The following AGAP3 variants were observed in gnomAD, a reference collection of about 807,000 sequenced individuals.
AGAP3 encodes ArfGAP with GTPase domain, ankyrin repeat and PH domain 3.
A neutral mutation model predicts 96.9 loss-of-function variants in AGAP3; 24 were observed. The observed-to-expected ratio is 0.25, with a 90% CI of 0.18 to 0.35. AGAP3 has a LOEUF of 0.35. AGAP3 is among the 10% of genes least tolerant of loss of function. The pLI is 1.00. For missense variants in AGAP3, 876 were observed against 1,254.2 expected (o/e 0.70, Z 4.55); for synonymous variants, 563 against 536.1 (o/e 1.05, Z -0.69).
rs1255459689 is a variant in AGAP3, at chr7:151,086,702, G to A, written c.-40G>A. On this transcript the variant is annotated 5_prime_UTR_variant, in exon 1 of 18. Coordinates refer to ENST00000397238, the MANE Select transcript of AGAP3 (RefSeq NM_031946.7). ...CCGCCGCCGCCGCCGCCTCCGCCGC[G>A]CCGCCCCGGGCCCGCCTCGGGCCCC... 1.7e-4 allele frequency: 68 copies of A among 393,932 alleles called. No individual in the cohort carries two copies. The highest frequency in any genetic ancestry group is 1.3e-3 in the African/African-American group (58 of 44,618). 24.4% of individuals were successfully genotyped at this position (393,932 alleles called of 1,614,324 possible).
chr7:151,129,312 G>GCC lies in AGAP3; in HGVS notation c.1326+631_1326+632dup, dbSNP rs1288000671. 3.9e-5 allele frequency among the ~76,000 whole-genome samples: 6 copies of GCC among 152,094 alleles called. No homozygotes were observed. The East Asian group carries it at 9.7e-4, about 25-fold the overall frequency. On this transcript the variant is annotated intron_variant, in intron 10 of 17. Coordinates refer to ENST00000397238, the MANE Select transcript of AGAP3 (RefSeq NM_031946.7). ...TGGGGCTAATGAGTTCTCCTGTGAA[G>GCC]CCCCTCCAGCACAGCGCGTGCCCCC...
intron 1 of AGAP3, chr7:151,116,493 G>C (rs1799589966): frequency 2.1e-6 from 1 of 480,028 alleles, no homozygotes; most frequent in Non-Finnish European, 3.7e-6. Flanking sequence ...GTGGCTTGGT[G>C]GGGGGACAAT....
chr7:151,124,255 T>C (rs1800064578), intron 9 of AGAP3, among the ~76,000 whole-genome samples: 1 of 152,212 alleles, frequency 6.6e-6, no homozygotes, highest in Non-Finnish European at 1.5e-5. Flanking sequence ...AAGGGGATAC[T>C]GAGGGCTAGT....
chr7:151,142,749 C>A lies in AGAP3; in HGVS notation c.2273+115C>A. ...TTAGAAGGGTTAAAACTGTCTGTTGCTCTGCTTGGCAGTTGGCCCCTTGGG... is the reference window on the plus strand; with the variant it reads ...TTAGAAGGGTTAAAACTGTCTGTTGATCTGCTTGGCAGTTGGCCCCTTGGG... On this transcript the variant is annotated intron_variant, in intron 16 of 17. Coordinates refer to ENST00000397238, the MANE Select transcript of AGAP3 (RefSeq NM_031946.7). This position sits in a 1 kb window ranked among gnomAD's most constrained non-coding sequence, Gnocchi z 7.5. 8.5e-7 allele frequency: 1 copy of A among 1,173,498 alleles called. No homozygotes were observed. Among genetic ancestry groups the A allele is most frequent in the Non-Finnish European group, 1.2e-6 (1 of 842,020 alleles). The allele number at this position is 1,173,498 out of a possible 1,614,324, so 72.7% of individuals were successfully genotyped here.
At chr7:151,099,860 G>T (rs975613603) in intron 1 of AGAP3, among the ~76,000 whole-genome samples, 1 of 152,208 alleles carries the variant, frequency 6.6e-6, no homozygotes, top group Non-Finnish European at 1.5e-5. Flanking sequence ...AGTAATATAT[G>T]TAATAGCAGA....
intron 1 of AGAP3, chr7:151,115,022 C>T: frequency 3.0e-6 from 3 of 991,144 alleles, no homozygotes; most frequent in African/African-American, 1.8e-5. Context: ...GCCCGCGCCT[C>T]GGCCGCCGGG....
chr7:151,137,283 A>G (rs1381431436), intron 11 of AGAP3, among the ~76,000 whole-genome samples: 1 of 152,100 alleles, frequency 6.6e-6, no homozygotes, highest in Non-Finnish European at 1.5e-5. Context: ...CTGCTTTCCC[A>G]CTAACCTCCA....
At chr7:151,115,168 A>ACCGCCTGGAGCTGGC in intron 1 of AGAP3, 1 of 1,034,232 alleles carries the variant, frequency 9.7e-7, no homozygotes, top group Non-Finnish European at 1.2e-6. Context: ...CTGGAGGTGA[A>ACCGCCTGGAGCTGGC]CCGCCTGGAG....
At chr7:151,132,619 C>T (rs1800444227) in intron 10 of AGAP3, among the ~76,000 whole-genome samples, 2 of 152,230 alleles carry the variant, frequency 1.3e-5, no homozygotes, top group Non-Finnish European at 2.9e-5. Context: ...ACCCACAGGG[C>T]TGGACCTGGG....
rs1483566057 is a variant in AGAP3, at chr7:151,142,293, C to T, written c.2050+40C>T. ...GGTGGGGCTGGGAGCTGGGGATGGCCCAGGGAAAGCTTCGCAAGCATCAGG... is the reference window on the plus strand; with the variant it reads ...GGTGGGGCTGGGAGCTGGGGATGGCTCAGGGAAAGCTTCGCAAGCATCAGG... On this transcript the variant is annotated intron_variant, in intron 15 of 17. Transcript: ENST00000397238. The surrounding 1 kb of genome is among the most constrained non-coding windows in gnomAD (Gnocchi z 7.5). The T allele has an allele frequency of 6.2e-7, 1 of 1,607,032 alleles. No homozygotes were observed. The highest frequency in any genetic ancestry group is 8.5e-7 in the Non-Finnish European group (1 of 1,176,586).
rs923452561 is a variant in AGAP3 at position 151,115,097 on chromosome 7, C to A, written c.332-1696C>A. On this transcript the variant is annotated intron_variant, in intron 1 of 17. Coordinates refer to ENST00000397238, the MANE Select transcript of AGAP3 (RefSeq NM_031946.7). Reference sequence around the variant, plus strand: ...GCCCCGCGTCCAGCCCCGCGCCGACCCGGCGCAGCCGCACCCGCGGGGAGC... The same window carrying A: ...GCCCCGCGTCCAGCCCCGCGCCGACACGGCGCAGCCGCACCCGCGGGGAGC... 7 of 1,028,278 alleles carry A rather than the reference C, an allele frequency of 6.8e-6. No individual in the cohort carries two copies. In the African/African-American group the frequency reaches 7.0e-5, roughly 10 times the overall value. 63.7% of individuals were successfully genotyped at this position (1,028,278 alleles called of 1,614,324 possible). A position where few individuals can be genotyped will look rare whatever the true frequency, so the allele number is the denominator to read the frequency against.
At chr7:151,106,604 A>C (rs1392816512) in intron 1 of AGAP3, among the ~76,000 whole-genome samples, 7 of 152,034 alleles carry the variant, frequency 4.6e-5, no homozygotes, top group African/African-American at 1.4e-4. Flanking sequence ...CAGCCTCCGG[A>C]GTATCTGGGA....
intron 1 of AGAP3, among the ~76,000 whole-genome samples, chr7:151,098,179 C>T (rs1263436837): frequency 1.3e-5 from 2 of 151,992 alleles, no homozygotes; most frequent in African/African-American, 2.4e-5. Context: ...GCCAACATGA[C>T]GAAACCCTGT....
Position 151,123,780 on chromosome 7 carries a change from G to C in AGAP3, c.1129-14G>C, listed in dbSNP as rs781765303. 8 of 1,612,918 alleles carry C rather than the reference G, an allele frequency of 5.0e-6. No homozygotes were observed. In the African/African-American group the frequency reaches 5.3e-5, roughly 11 times the overall value. ...CCTGGGCCTCTTTAACACGCCTCTTGTTTTCTCTTCCAGTCTCGGAAGGGT... is the reference window on the plus strand; with the variant it reads ...CCTGGGCCTCTTTAACACGCCTCTTCTTTTCTCTTCCAGTCTCGGAAGGGT... On this transcript the variant is annotated splice_polypyrimidine_tract_variant and intron_variant, in intron 8 of 17. Coordinates refer to ENST00000397238, the MANE Select transcript of AGAP3 (RefSeq NM_031946.7).
At chr7:151,091,277 C>G (rs767490993) in intron 1 of AGAP3, among the ~76,000 whole-genome samples, 1 of 152,228 alleles carries the variant, frequency 6.6e-6, no homozygotes, top group Non-Finnish European at 1.5e-5. Context: ...AGCCCAGGCC[C>G]CTCTGGCAAT....
intron 1 of AGAP3, chr7:151,115,231 G>A (rs1017695314): frequency 2.0e-6 from 2 of 1,002,190 alleles, no homozygotes; most frequent in Non-Finnish European, 2.4e-6. Context: ...GGCAGCGCGG[G>A]CTTCCTGCGC....
chr7:151,131,246 G>A (rs979536768), intron 10 of AGAP3: 4 of 152,294 alleles, frequency 2.6e-5, no homozygotes, highest in African/African-American at 9.6e-5. Context: ...AGCCAGCGGA[G>A]CCATTCACAC....
chr7:151,091,617 C>G (rs1798403494), intron 1 of AGAP3, among the ~76,000 whole-genome samples: 1 of 152,260 alleles, frequency 6.6e-6, no homozygotes, highest in South Asian at 2.1e-4. Flanking sequence ...TTCAGAAGAC[C>G]AGGGCAGGGC....
intron 1 of AGAP3, among the ~76,000 whole-genome samples, chr7:151,105,867 G>A (rs1799034655): frequency 1.7e-5 from 1 of 57,616 alleles, no homozygotes; most frequent in Non-Finnish European, 3.3e-5. Flanking sequence ...CTAGGTAAGA[G>A]TCTTTTTTTT....
Sources: allele counts gnomAD v4.1 joint callset (sites outside exome capture counted in the v4.1 genomes callset), GRCh38; gene constraint gnomAD v4.1.1; non-coding constraint Gnocchi (gnomAD v3.1); transcripts MANE v1.5; gene names NCBI Gene and HGNC (gene_info 2026-07-23, HGNC 2026-07-21).